Variants in TULP3 observed in about 807,000 individuals in gnomAD.
The protein encoded by TULP3 is TUB like protein 3, also known as tubby-related protein 3.
A neutral mutation model predicts 50.7 loss-of-function variants in TULP3; 38 were observed. That is an observed-to-expected ratio of 0.75 (90% CI 0.58 to 0.98). The LOEUF (loss-of-function observed/expected upper bound fraction) is 0.98, where lower values mean the gene tolerates loss of function less well. TULP3 is among the 50% of genes least tolerant of loss of function. TULP3 has a pLI of 0.00. For missense variants in TULP3, 550 were observed against 568.0 expected, an observed-to-expected ratio of 0.97 and a Z score of 0.32; for synonymous variants, 183 against 196.6, an observed-to-expected ratio of 0.93 and a Z score of 0.58.
At chr12:2,894,538 A>AACAC (rs56834874) in intron 1 of TULP3, among the ~76,000 whole-genome samples, 68 of 147,828 alleles carry the variant, frequency 4.6e-4, no homozygotes, top group Middle Eastern at 6.8e-3. Context: ...CCGTCTCAAA[A>AACAC]ACACACACAC....
chr12:2,924,688 T>G (rs1158626127), intron 4 of TULP3, among the ~76,000 whole-genome samples: 1 of 137,658 alleles, frequency 7.3e-6, no homozygotes, highest in Non-Finnish European at 1.6e-5. Context: ...CTTTAAAAAT[T>G]AAAAAAAAAA....
At chr12:2,906,414 C>T (rs934478620) in intron 1 of TULP3, among the ~76,000 whole-genome samples, 23 of 151,162 alleles carry the variant, frequency 1.5e-4, no homozygotes, top group Non-Finnish European at 2.2e-4. Flanking sequence ...CTGAATCCTC[C>T]GCCTCCTGGG....
chr12:2,908,883 G>A (rs1345411647), intron 1 of TULP3, among the ~76,000 whole-genome samples: 1 of 151,932 alleles, frequency 6.6e-6, no homozygotes, highest in Non-Finnish European at 1.5e-5. Context: ...TTTGATGACT[G>A]GCATAGTAAG....
At chr12:2,935,973 A>T (rs530120172) in intron 8 of TULP3, among the ~76,000 whole-genome samples, 269 of 150,004 alleles carry the variant, frequency 1.8e-3, no homozygotes, top group Middle Eastern at 7.5e-3. Context: ...TGTTTAAAAA[A>T]TAATAATAAT....
Position 2,909,614 on chromosome 12 carries a change from C to T in TULP3, c.93+34C>T, listed in dbSNP as rs768286906. 3.8e-6 allele frequency: 6 copies of T among 1,570,008 alleles called. No homozygotes were observed. The South Asian group carries it at 7.1e-5, about 19-fold the overall frequency. On this transcript the variant is annotated intron_variant, in intron 2 of 10. Coordinates refer to ENST00000448120, the MANE Select transcript of TULP3 (RefSeq NM_003324.5). ...AGTCTCCTCTTTTGAAATAGGTGGCCAACTATACTGACCGTGATGCTGATG... is the reference window on the plus strand; with the variant it reads ...AGTCTCCTCTTTTGAAATAGGTGGCTAACTATACTGACCGTGATGCTGATG...
At chr12:2,912,425 G>A (rs745351955) in intron 2 of TULP3, among the ~76,000 whole-genome samples, 1 of 152,188 alleles carries the variant, frequency 6.6e-6, no homozygotes, top group Non-Finnish European at 1.5e-5. Flanking sequence ...AAGGGATACA[G>A]TGCACACCCA....
At position 2,940,300 on chromosome 12, in the gene TULP3, G is replaced by A. The variant is rs2098203913; in HGVS notation, c.*856G>A. The A allele has an allele frequency of 7.0e-7, 1 of 1,437,078 alleles. No individual in the cohort carries two copies. Among genetic ancestry groups the A allele is most frequent in the Non-Finnish European group, 9.2e-7 (1 of 1,091,426 alleles). 89.0% of individuals were successfully genotyped at this position (1,437,078 alleles called of 1,614,324 possible). A position where few individuals can be genotyped will look rare whatever the true frequency, so the allele number is the denominator to read the frequency against. On this transcript the variant is annotated 3_prime_UTR_variant, in exon 11 of 11. Transcript: ENST00000448120. ...TTTGTCATTATCAAGAGAGATGGCA[G>A]TATTGACCATTTAGTTTAGTTAAAA...
At chr12:2,893,372 A>G (rs6489405) in intron 1 of TULP3, among the ~76,000 whole-genome samples, 67,969 of 145,564 alleles carry the variant, frequency 0.47, 16,025 homozygotes, top group East Asian at 0.56. Context: ...CTCGTCGCCC[A>G]GGCTGGAGTG....
chr12:2,922,660 G>C (rs892487309), intron 4 of TULP3, among the ~76,000 whole-genome samples: 2 of 152,052 alleles, frequency 1.3e-5, no homozygotes, highest in African/African-American at 4.8e-5. Flanking sequence ...ATAGATGACT[G>C]TTTGTTTCTT....
At chr12:2,908,642 G>A (rs908435312) in intron 1 of TULP3, among the ~76,000 whole-genome samples, 2 of 152,118 alleles carry the variant, frequency 1.3e-5, no homozygotes, top group South Asian at 2.1e-4. Flanking sequence ...GGCTGGTCTC[G>A]AACTCCTGAC....
chr12:2,903,189 C>G (rs2098180196), intron 1 of TULP3, among the ~76,000 whole-genome samples: 1 of 151,766 alleles, frequency 6.6e-6, no homozygotes, highest in Non-Finnish European at 1.5e-5. Context: ...GGTAGCCAGT[C>G]CACAACAATG....
intron 1 of TULP3, among the ~76,000 whole-genome samples, chr12:2,893,305 C>G (rs2098173301): frequency 6.8e-6 from 1 of 146,464 alleles, no homozygotes. Context: ...TCTTTTTGGG[C>G]TTCAGGTTGT....
intron 1 of TULP3, among the ~76,000 whole-genome samples, chr12:2,899,726 T>A (rs1290149685): frequency 6.6e-6 from 1 of 151,936 alleles, no homozygotes; most frequent in Non-Finnish European, 1.5e-5. Flanking sequence ...ACCCTGTCTC[T>A]ACTAAAAATA....
intron 1 of TULP3, among the ~76,000 whole-genome samples, chr12:2,902,551 A>G (rs544864701): frequency 6.6e-6 from 1 of 152,284 alleles, no homozygotes; most frequent in East Asian, 1.9e-4. Flanking sequence ...TTTAGTGGCA[A>G]TAGATTTTGT....
At chr12:2,925,198 G>C (rs1182212568) in intron 4 of TULP3, among the ~76,000 whole-genome samples, 2 of 152,120 alleles carry the variant, frequency 1.3e-5, no homozygotes, top group Non-Finnish European at 2.9e-5. Context: ...GTAAGAACCT[G>C]TGAGGAATTT....
intron 8 of TULP3, among the ~76,000 whole-genome samples, chr12:2,935,732 G>A (rs2098200836): frequency 6.6e-6 from 1 of 152,070 alleles, no homozygotes; most frequent in Non-Finnish European, 1.5e-5. Flanking sequence ...CAGCACTTTG[G>A]GAGGCTGAGG....
At position 2,940,874 on chromosome 12, in the gene TULP3, G is replaced by T. The variant is rs1174543875; in HGVS notation, c.*1430G>T. 1.0e-5 allele frequency: 7 copies of T among 700,984 alleles called. No homozygotes were observed. Among genetic ancestry groups the T allele is most frequent in the Non-Finnish European group, 1.6e-5 (7 of 432,388 alleles). 43.4% of individuals were successfully genotyped at this position (700,984 alleles called of 1,614,324 possible). A position where few individuals can be genotyped will look rare whatever the true frequency, so the allele number is the denominator to read the frequency against. On this transcript the variant is annotated 3_prime_UTR_variant, in exon 11 of 11. Transcript: ENST00000448120. ...GCCATGCCCAGAAGCCTCACACCTC[G>T]TCACCACCACCACCCCCCACCCCAT...
chr12:2,905,474 G>T (rs1024090386), intron 1 of TULP3, among the ~76,000 whole-genome samples: 8 of 152,030 alleles, frequency 5.3e-5, no homozygotes, highest in Non-Finnish European at 7.4e-5. Flanking sequence ...ATGAGCCACC[G>T]CACCCGGCCT....
At chr12:2,901,190 G>T (rs2098179025) in intron 1 of TULP3, among the ~76,000 whole-genome samples, 1 of 151,174 alleles carries the variant, frequency 6.6e-6, no homozygotes. Flanking sequence ...ACGGCTTACT[G>T]CAGCCTTGAC....
Sources: allele counts gnomAD v4.1 joint callset (sites outside exome capture counted in the v4.1 genomes callset), GRCh38; gene constraint gnomAD v4.1.1; transcripts MANE v1.5; gene names NCBI Gene and HGNC (gene_info 2026-07-23, HGNC 2026-07-21).